LRRC4C: variants seen among roughly 807,000 people sequenced by gnomAD.
LRRC4C encodes leucine rich repeat containing 4C.
A neutral mutation model predicts 33.6 loss-of-function variants in LRRC4C; 5 were observed. The ratio of observed to expected loss-of-function variants is 0.15; its 90% confidence interval spans 0.08 to 0.31. The LOEUF (loss-of-function observed/expected upper bound fraction) is 0.31, where lower values mean the gene tolerates loss of function less well. Ranked by LOEUF, LRRC4C falls within the 10% of genes least tolerant of loss-of-function variation. The probability of loss-of-function intolerance (pLI) is 1.00; values close to 1 mark genes in which losing one functional copy is unlikely to be tolerated. For missense variants in LRRC4C, 560 were observed against 796.7 expected (o/e 0.70, Z 3.58); for synonymous variants, 329 against 302.0 (o/e 1.09, Z -0.93).
intron 3 of LRRC4C, among the ~76,000 whole-genome samples, chr11:40,381,564 G>A (rs1262697649): frequency 6.6e-6 from 1 of 152,138 alleles, no homozygotes; most frequent in African/African-American, 2.4e-5. Flanking sequence ...AATATTGAAA[G>A]TAAGCAACTG....
intron 4 of LRRC4C, among the ~76,000 whole-genome samples, chr11:40,264,998 A>C (rs548246171): frequency 6.6e-6 from 1 of 152,330 alleles, no homozygotes; most frequent in South Asian, 2.1e-4. Flanking sequence ...TCTCATATTT[A>C]AAAAAGCAGT....
intron 3 of LRRC4C, among the ~76,000 whole-genome samples, chr11:40,484,144 C>T (rs1953734789): frequency 2.0e-5 from 3 of 152,006 alleles, no homozygotes; most frequent in South Asian, 2.1e-4. Flanking sequence ...ATCTAGTGTT[C>T]GCAAATGTTT....
At chr11:41,386,527 CTT>C (rs1953367147) in intron 1 of LRRC4C, among the ~76,000 whole-genome samples, 1 of 151,598 alleles carries the variant, frequency 6.6e-6, no homozygotes, top group Non-Finnish European at 1.5e-5. Context: ...CTGTACATGA[CTT>C]TTATGATTTA....
At chr11:41,118,935 T>G (rs932580564) in intron 1 of LRRC4C, among the ~76,000 whole-genome samples, 1 of 152,100 alleles carries the variant, frequency 6.6e-6, no homozygotes, top group Admixed American at 6.6e-5. Flanking sequence ...ATAGTTGTGC[T>G]CCTCCTGTGT....
chr11:40,382,070 C>T (rs1044525216), intron 3 of LRRC4C, among the ~76,000 whole-genome samples: 2 of 147,278 alleles, frequency 1.4e-5, no homozygotes, highest in Non-Finnish European at 3.0e-5. Context: ...CATTCTCCTG[C>T]CTCAGCTTCC....
chr11:40,403,837 T>C (rs1949858031), intron 3 of LRRC4C, among the ~76,000 whole-genome samples: 1 of 152,132 alleles, frequency 6.6e-6, no homozygotes, highest in Admixed American at 6.6e-5. Flanking sequence ...GGTGAAGTGA[T>C]AGTCAACACT....
intron 5 of LRRC4C, among the ~76,000 whole-genome samples, chr11:40,188,278 T>C (rs1861566596): frequency 2.0e-5 from 3 of 152,206 alleles, no homozygotes; most frequent in African/African-American, 4.8e-5. Context: ...CAACCTTAAA[T>C]TGTGTTTGCA....
intron 1 of LRRC4C, among the ~76,000 whole-genome samples, chr11:41,368,361 A>C (rs1288149380): frequency 6.6e-6 from 1 of 152,170 alleles, no homozygotes; most frequent in Non-Finnish European, 1.5e-5. Flanking sequence ...CATGTTTCTC[A>C]TTCCCACAAG....
chr11:41,411,342 G>T (rs959267176), intron 1 of LRRC4C, among the ~76,000 whole-genome samples: 4 of 151,074 alleles, frequency 2.6e-5, no homozygotes, highest in Non-Finnish European at 5.9e-5. Flanking sequence ...TGGAGACGGG[G>T]TTTCACCGTG....
chr11:40,988,667 G>GGA, intron 1 of LRRC4C, among the ~76,000 whole-genome samples: 1 of 146,608 alleles, frequency 6.8e-6, no homozygotes, highest in Non-Finnish European at 1.5e-5. Flanking sequence ...TCAAGTACCT[G>GGA]TTCCAGTGCA....
intron 1 of LRRC4C, among the ~76,000 whole-genome samples, chr11:41,054,600 T>C (rs1246858841): frequency 6.6e-6 from 1 of 152,226 alleles, no homozygotes; most frequent in Non-Finnish European, 1.5e-5. Flanking sequence ...TAGCCCACTT[T>C]AAGAATCAAT....
At chr11:40,172,405 T>A (rs1860119676) in intron 5 of LRRC4C, among the ~76,000 whole-genome samples, 1 of 152,122 alleles carries the variant, frequency 6.6e-6, no homozygotes, top group African/African-American at 2.4e-5. Flanking sequence ...GCCAGAATGG[T>A]TTTTGAAAAG....
chr11:40,643,642 G>A (rs959798052), intron 3 of LRRC4C, among the ~76,000 whole-genome samples: 4 of 152,246 alleles, frequency 2.6e-5, no homozygotes, highest in South Asian at 2.1e-4. Context: ...CCACCAGCAC[G>A]GTGTCAGTGG....
intron 2 of LRRC4C, among the ~76,000 whole-genome samples, chr11:40,883,563 A>G (rs565860619): frequency 6.6e-6 from 1 of 152,070 alleles, no homozygotes; most frequent in East Asian, 1.9e-4. Context: ...ACTCAAATAA[A>G]CTCTCACCAA....
At chr11:40,196,780 G>T (rs778547222) in intron 5 of LRRC4C, among the ~76,000 whole-genome samples, 1 of 152,114 alleles carries the variant, frequency 6.6e-6, no homozygotes, top group Non-Finnish European at 1.5e-5. Context: ...CATATTAAAA[G>T]ATCTATTACT....
At chr11:40,396,456 A>T (rs1565347693) in intron 3 of LRRC4C, among the ~76,000 whole-genome samples, 1 of 152,114 alleles carries the variant, frequency 6.6e-6, no homozygotes, top group Non-Finnish European at 1.5e-5. Context: ...TCTGCAAACT[A>T]CCCTTACTCT....
chr11:40,817,592 T>C (rs1438675619), intron 2 of LRRC4C, among the ~76,000 whole-genome samples: 1 of 152,110 alleles, frequency 6.6e-6, no homozygotes, highest in Admixed American at 6.6e-5. Flanking sequence ...CCCACTCCCA[T>C]CCAAATTTTG....
At chr11:40,291,480 C>A (rs1944187213) in intron 4 of LRRC4C, among the ~76,000 whole-genome samples, 1 of 152,188 alleles carries the variant, frequency 6.6e-6, no homozygotes, top group African/African-American at 2.4e-5. Context: ...ACAGTCTATA[C>A]ACAGCCTCTC....
chr11:40,836,757 T>C (rs1439283763), intron 2 of LRRC4C, among the ~76,000 whole-genome samples: 1 of 152,144 alleles, frequency 6.6e-6, no homozygotes, highest in Non-Finnish European at 1.5e-5. Context: ...CCCCTTGTTC[T>C]AAAAAATCAC....
Sources: allele counts gnomAD v4.1 joint callset (sites outside exome capture counted in the v4.1 genomes callset), GRCh38; gene constraint gnomAD v4.1.1; transcripts MANE v1.5; gene names NCBI Gene and HGNC (gene_info 2026-07-23, HGNC 2026-07-21).